Variants in DCXR observed in about 807,000 individuals in gnomAD.
DCXR encodes the protein dicarbonyl and L-xylulose reductase, also known as L-xylulose reductase.
Under a neutral mutation model 25.9 loss-of-function variants are expected in DCXR, and 24 were observed. That is an observed-to-expected ratio of 0.93 (90% CI 0.67 to 1.30). DCXR has a LOEUF of 1.30. Ranked by LOEUF, DCXR falls within the 50% of genes most tolerant of loss-of-function variation. The pLI is 0.00. For missense variants in DCXR, 348 were observed against 333.7 expected, an observed-to-expected ratio of 1.04 and a Z score of -0.33; for synonymous variants, 161 against 141.7, an observed-to-expected ratio of 1.14 and a Z score of -0.97.
intron 1 of DCXR, 35 bp downstream of exon 1, chr17:82,037,596 C>T: frequency 6.4e-7 from 1 of 1,555,766 alleles, no homozygotes. Flanking sequence ...CCTCTGCCCG[C>T]CGCCGGCCTT....
At position 82,036,652 on chromosome 17, in the gene DCXR, G is replaced by A. The variant is rs377194919; in HGVS notation, c.349-9C>T. ...AAGCCCCTGGCCACAATCTGGAATC[G>A]CAGCGAGACCGTGAGGCAGAGCTGG... On this transcript the variant is annotated splice_polypyrimidine_tract_variant and intron_variant, in intron 4 of 7. Transcript: ENST00000306869. The A allele has an allele frequency of 1.2e-5, 20 of 1,613,230 alleles. No homozygotes were observed. Among genetic ancestry groups the A allele is most frequent in the Admixed American group, 5.0e-5 (3 of 60,008 alleles).
At chr17:82,036,137 G>A in intron 7 of DCXR, 54 bp downstream of exon 7, 1 of 1,606,350 alleles carries the variant, frequency 6.2e-7, no homozygotes, top group South Asian at 1.1e-5. Flanking sequence ...CCCCTACCCA[G>A]GGCACACACA....
rs772475983 is a variant in DCXR, at chr17:82,036,991, C to G, written c.173G>C (p.Cys58Ser). The G allele has an allele frequency of 6.4e-7, 1 of 1,573,654 alleles. No homozygotes were observed. The highest frequency in any genetic ancestry group is 1.2e-5 in the South Asian group (1 of 86,690). The change falls in exon 3 of 8, where the codon TGC becomes TCC. Residue 58 changes from cysteine (C) to serine (S), a missense_variant. By Grantham distance (112) the Cys-to-Ser change is moderately radical. Coordinates refer to ENST00000306869, the MANE Select transcript of DCXR (RefSeq NM_016286.4). ...GGCCTCCCAGTCACCCAGGTCCACG[C>G]ACACGGGTTCTATCCCCGGGCACTG... is the stretch of plus-strand genomic sequence containing the variant. ...VRECPGIEPVCVDLGDWEATE... is the reference protein window; with the variant it reads ...VRECPGIEPVSVDLGDWEATE...
rs9780 is a variant in DCXR, at chr17:82,036,724, C to T, written c.345G>A (p.Ser115=). Residue 115 remains serine, a synonymous_variant, in exon 4 of 8, where the codon TCG becomes TCA. Transcript: ENST00000306869. Reference sequence around the variant, plus strand: ...TCCAGCCCACAGGGCAGCTCACCTGCGACACCTGGATGACCGCACGCAGGT... The same window carrying T: ...TCCAGCCCACAGGGCAGCTCACCTGTGACACCTGGATGACCGCACGCAGGT... The part of the protein sequence containing the change: ...EVNLRAVIQV[S]QIVARGLIAR... 215,864 of 1,613,272 alleles carry T rather than the reference C, an allele frequency of 0.13. 23,273 individuals are homozygous for T. The highest frequency in any genetic ancestry group is 0.58 in the African/African-American group (43,400 of 74,838).
At position 82,037,671 on chromosome 17, in the gene DCXR, G is replaced by C; in HGVS notation, c.12C>G (p.Phe4Leu). MEL[F>L]LAGRRVLVTG... Reference sequence around the variant, plus strand: ...TGACCAGCACCCGGCGGCCCGCGAGGAACAGCTCCATGTCGGCGCAGTCTC... The same window carrying C: ...TGACCAGCACCCGGCGGCCCGCGAGCAACAGCTCCATGTCGGCGCAGTCTC... Residue 4 changes from phenylalanine (F) to leucine (L), a missense_variant, in exon 1 of 8, where the codon TTC becomes TTG. Physicochemically the swap from Phe to Leu is conservative, Grantham distance 22. Transcript: ENST00000306869. 1.3e-6 allele frequency: 2 copies of C among 1,591,668 alleles called. No homozygotes were observed. Among genetic ancestry groups the C allele is most frequent in the Non-Finnish European group, 1.7e-6 (2 of 1,176,680 alleles).
Position 82,036,927 on chromosome 17 carries a change from C to T in DCXR, c.237G>A (p.Leu79=), listed in dbSNP as rs752288906. Residue 79 remains leucine, a synonymous_variant, in exon 3 of 8, where the codon CTG becomes CTA. Transcript: ENST00000306869. Reference sequence around the variant, plus strand: ...GGGCGACAGCGGCGTTGTTCACCAGCAGGTCCACGGGGCCCACGCTGCCCA... The same window carrying T: ...GGGCGACAGCGGCGTTGTTCACCAGTAGGTCCACGGGGCCCACGCTGCCCA... ...RALGSVGPVD[L]LVNNAAVALL... is the part of the protein sequence containing the mutation. 11 of 1,612,128 alleles carry T rather than the reference C, an allele frequency of 6.8e-6. No individual in the cohort carries two copies. Among genetic ancestry groups the T allele is most frequent in the African/African-American group, 2.7e-5 (2 of 74,874 alleles).
At chr17:82,037,280 C>T (rs1379185835) in intron 2 of DCXR, 170 bp downstream of exon 2, 2 of 934,432 alleles carry the variant, frequency 2.1e-6, no homozygotes, top group Non-Finnish European at 3.1e-6. Flanking sequence ...ACCACCCGGC[C>T]GCCCACGCAG....
In DCXR at chr17:82,036,871, TC is replaced by T. The variant is rs2043497311; in HGVS notation, c.292del (p.Glu98ArgfsTer9). 1 of 1,613,230 alleles carries T rather than the reference TC, an allele frequency of 6.2e-7. No individual in the cohort carries two copies. Among genetic ancestry groups the T allele is most frequent in the Non-Finnish European group, 8.5e-7 (1 of 1,179,956 alleles). ...CTCACAGGCTCACCTGTCAAAGGCC[TC>T]CTTGGTGACCTCCAGGAAGGGCTGC... Reference protein sequence around the residue: ...LLQPFLEVTKEAFDRSFEVNL... With the variant: ...LLQPFLEVTKXAFDRSFEVNL... On this transcript the variant is annotated frameshift_variant, in exon 3 of 8. Transcript: ENST00000306869. LOFTEE classifies it high-confidence loss of function.
Position 82,036,588 on chromosome 17 carries a change from G to C in DCXR, c.404C>G (p.Ser135Cys). The part of the protein sequence containing the change: ...RGVPGAIVNV[S>C]SQCSQRAVTN... ...TACTGCCCGCTGGGAGCACTGGCTG[G>C]AGACATTCACGATGGCCCCTGGGAC... The change falls in exon 5 of 8, where the codon TCC becomes TGC. Residue 135 changes from serine (S) to cysteine (C), a missense_variant. By Grantham distance (112) the Ser-to-Cys change is moderately radical (BLOSUM62 -1). Coordinates refer to ENST00000306869, the MANE Select transcript of DCXR (RefSeq NM_016286.4). The C allele has an allele frequency of 6.2e-7, 1 of 1,613,156 alleles. No individual in the cohort carries two copies.
At chr17:82,037,397 G>A (rs1264967894) in intron 2 of DCXR, 53 bp downstream of exon 2, 3 of 1,492,682 alleles carry the variant, frequency 2.0e-6, no homozygotes, top group Non-Finnish European at 2.7e-6. Flanking sequence ...CCCGCTCGCT[G>A]CCGCCCCCTC....
Position 82,035,993 on chromosome 17 carries a change from AGTGGAACCC to A in DCXR, c.693_701del (p.Gly232_Thr234del), listed in dbSNP as rs552483270. Reference sequence around the variant, plus strand: ...CCCAGAAGCCCCCTTCCACCGGCAAAGTGGAACCCGTGGTCATGCCACTTCGGTCACTCA... The same window carrying A: ...CCCAGAAGCCCCCTTCCACCGGCAAAGTGGTCATGCCACTTCGGTCACTCA... On this transcript the variant is annotated inframe_deletion, in exon 8 of 8. Coordinates refer to ENST00000306869, the MANE Select transcript of DCXR (RefSeq NM_016286.4). The A allele has an allele frequency of 1.3e-5, 21 of 1,613,330 alleles. No individual in the cohort carries two copies. The South Asian group carries it at 2.0e-4, about 15-fold the overall frequency.
intron 2 of DCXR, 164 bp downstream of exon 2, chr17:82,037,286 C>T: frequency 1.0e-6 from 1 of 962,462 alleles, no homozygotes; most frequent in Non-Finnish European, 1.5e-6. Context: ...CGGCCGCCCA[C>T]GCAGGCCACC....
Position 82,036,579 on chromosome 17 carries a change from C to T in DCXR, c.413G>A (p.Cys138Tyr). ...ATGGTTAGTTACTGCCCGCTGGGAG[C>T]ACTGGCTGGAGACATTCACGATGGC... ...PGAIVNVSSQ[C>Y]SQRAVTNHSV... The change falls in exon 5 of 8, where the codon TGC becomes TAC. Residue 138 changes from cysteine (C) to tyrosine (Y), a missense_variant. Coordinates refer to ENST00000306869, the MANE Select transcript of DCXR (RefSeq NM_016286.4). 6.2e-7 allele frequency: 1 copy of T among 1,613,154 alleles called. No homozygotes were observed. Among genetic ancestry groups the T allele is most frequent in the Non-Finnish European group, 8.5e-7 (1 of 1,179,992 alleles).
rs899163272 is a variant in DCXR at position 82,035,895 on chromosome 17, A to G, written c.*65T>C. 2 of 1,397,812 alleles carry G rather than the reference A, an allele frequency of 1.4e-6. No individual in the cohort carries two copies. Among genetic ancestry groups the G allele is most frequent in the Non-Finnish European group, 2.0e-6 (2 of 992,490 alleles). The allele number at this position is 1,397,812 out of a possible 1,614,324, so 86.6% of individuals were successfully genotyped here. A position where few individuals can be genotyped will look rare whatever the true frequency, so the allele number is the denominator to read the frequency against. On this transcript the variant is annotated 3_prime_UTR_variant, in exon 8 of 8. Transcript: ENST00000306869. The stretch of plus-strand genomic sequence containing the variant: ...AGCACATAGTCTGGGCAGCAGAATC[A>G]GGTTTATTGGAGGGATTGGGGGTAG...
At chr17:82,036,670 A>C (rs747057271) in intron 4 of DCXR, 27 bp from the exon 5 acceptor site, 4 of 1,613,492 alleles carry the variant, frequency 2.5e-6, no homozygotes, top group Non-Finnish European at 3.4e-6. Context: ...ACCGTGAGGC[A>C]GAGCTGGCAT....
chr17:82,036,629 G>C lies in DCXR; in HGVS notation c.363C>G (p.Gly121=), dbSNP rs368246980. Residue 121 remains glycine (G), a synonymous_variant, in exon 5 of 8, where the codon GGC becomes GGG. Transcript: ENST00000306869. Reference sequence around the variant, plus strand: ...CCCCTGGGACTCCCCGGGCTATTAAGCCCCTGGCCACAATCTGGAATCGCA... The same window carrying C: ...CCCCTGGGACTCCCCGGGCTATTAACCCCCTGGCCACAATCTGGAATCGCA... ...VIQVSQIVAR[G]LIARGVPGAI... is the part of the protein sequence containing the mutation. 1 of 1,613,264 alleles carries C rather than the reference G, an allele frequency of 6.2e-7. No individual in the cohort carries two copies. The highest frequency in any genetic ancestry group is 1.3e-5 in the African/African-American group (1 of 75,034).
chr17:82,037,461 G>C lies in DCXR; in HGVS notation c.139C>G (p.Leu47Val). The C allele has an allele frequency of 3.3e-6, 5 of 1,530,240 alleles. No homozygotes were observed. Among genetic ancestry groups the C allele is most frequent in the Non-Finnish European group, 4.4e-6 (5 of 1,145,576 alleles). The allele number at this position is 1,530,240 out of a possible 1,614,324, so 94.8% of individuals were successfully genotyped here. A position where few individuals can be genotyped will look rare whatever the true frequency, so the allele number is the denominator to read the frequency against. The change falls in exon 2 of 8, where the codon CTT becomes GTT. Residue 47 changes from leucine to valine, a missense_variant. Leu to Val is a conservative substitution (Grantham distance 32, BLOSUM62 1). Coordinates refer to ENST00000306869, the MANE Select transcript of DCXR (RefSeq NM_016286.4). ...VSRTQADLDS[L>V]VRECPGIEPV... ...CCGGCGGGACCTACCTCGCGGACAA[G>C]GCTGTCAAGATCCGCCTGAGTCCGG...
chr17:82,036,545 G>A lies in DCXR; in HGVS notation c.447C>T (p.Tyr149=), dbSNP rs1212160400. Residue 149 remains tyrosine (Y), a splice_region_variant and synonymous_variant, in exon 5 of 8, where the codon TAC becomes TAT. Transcript: ENST00000306869. ...TGAGGGCACAGCTGGGGCACTCACA[G>A]TAGACGCTATGGTTAGTTACTGCCC... ...SQRAVTNHSV[Y]CSTKGALDML... 6 of 1,612,994 alleles carry A rather than the reference G, an allele frequency of 3.7e-6. No homozygotes were observed. Among genetic ancestry groups the A allele is most frequent in the South Asian group, 2.2e-5 (2 of 91,082 alleles).
Position 82,036,233 on chromosome 17 carries a change from C to T in DCXR, c.589G>A (p.Ala197Thr), listed in dbSNP as rs543002005. The T allele has an allele frequency of 4.3e-6, 7 of 1,613,672 alleles. No homozygotes were observed. The East Asian group carries it at 1.3e-4, about 31-fold the overall frequency. ...GQATWSDPHK[A>T]KTMLNRIPLG... The stretch of plus-strand genomic sequence containing the variant: ...GGGATTCGGTTCAGCATAGTCTTGG[C>T]CTTGTGGGGGTCACTCCAGGTGGCC... The change falls in exon 7 of 8, where the codon GCC becomes ACC. Residue 197 changes from alanine (A) to threonine (T), a missense_variant. Coordinates refer to ENST00000306869, the MANE Select transcript of DCXR (RefSeq NM_016286.4).
Sources: allele counts gnomAD v4.1 joint callset, GRCh38; gene constraint gnomAD v4.1.1; transcripts MANE v1.5; gene names NCBI Gene and HGNC (gene_info 2026-07-23, HGNC 2026-07-21).